MAGI2: variants seen among roughly 807,000 people sequenced by gnomAD.
The protein encoded by MAGI2 is membrane-associated guanylate kinase, WW and PDZ domain-containing protein 2.
In MAGI2, 35 loss-of-function variants were observed where a neutral mutation model predicts 133.3. The ratio of observed to expected loss-of-function variants is 0.26; its 90% CI spans 0.20 to 0.35. MAGI2 has a LOEUF of 0.35. Ranked by LOEUF, MAGI2 falls within the 10% of genes least tolerant of loss-of-function variation. MAGI2 has a pLI of 1.00. For synonymous variants in MAGI2, 729 were observed against 710.6 expected (o/e 1.03, Z -0.41); for missense variants, 1,636 against 1,863.4 (o/e 0.88, Z 2.25).
intron 20 of MAGI2, among the ~76,000 whole-genome samples, chr7:78,124,711 G>A (rs1584024499): frequency 6.6e-6 from 1 of 152,096 alleles, no homozygotes; most frequent in East Asian, 1.9e-4. Flanking sequence ...CACACAGAGA[G>A]AGTAAAGAGA....
At chr7:78,258,439 C>T (rs997395759) in intron 9 of MAGI2, among the ~76,000 whole-genome samples, 2 of 152,142 alleles carry the variant, frequency 1.3e-5, no homozygotes, top group Admixed American at 6.6e-5. Flanking sequence ...TACTAACATC[C>T]AACTTAATGA....
chr7:78,851,113 A>AT (rs933197565), intron 2 of MAGI2, among the ~76,000 whole-genome samples: 137 of 152,188 alleles, frequency 9.0e-4, no homozygotes, highest in African/African-American at 3.2e-3. Flanking sequence ...AAAATATATT[A>AT]TTTTTTCGTA....
intron 2 of MAGI2, among the ~76,000 whole-genome samples, chr7:78,767,905 A>G (rs577611993): frequency 6.6e-6 from 1 of 152,188 alleles, no homozygotes; most frequent in Non-Finnish European, 1.5e-5. Flanking sequence ...ACTCATCGGC[A>G]TCTTAAATGT....
In MAGI2 at chr7:78,203,449, C is replaced by A. The variant is rs1442228189; in HGVS notation, c.2048-2256G>T. Reference sequence around the variant, plus strand: ...GTGGAGAAGAGACAAGGAGAGGGGGCGTTTAATTTGACTGCCTTTCATCAT... The same window carrying A: ...GTGGAGAAGAGACAAGGAGAGGGGGAGTTTAATTTGACTGCCTTTCATCAT... On this transcript the variant is annotated intron_variant, in intron 10 of 21. Coordinates refer to ENST00000354212, the MANE Select transcript of MAGI2 (RefSeq NM_012301.4). 2.6e-5 allele frequency among the ~76,000 whole-genome samples: 4 copies of A among 152,262 alleles called. No homozygotes were observed. The East Asian group carries it at 7.7e-4, about 29-fold the overall frequency.
At chr7:78,869,332 T>A (rs143413851) in intron 2 of MAGI2, among the ~76,000 whole-genome samples, 58 of 152,348 alleles carry the variant, frequency 3.8e-4, no homozygotes, top group African/African-American at 1.3e-3. Flanking sequence ...ATTAATGTTA[T>A]CTTCTAGAAT....
At chr7:78,389,741 A>G (rs1253253474) in intron 6 of MAGI2, among the ~76,000 whole-genome samples, 1 of 152,146 alleles carries the variant, frequency 6.6e-6, no homozygotes, top group Non-Finnish European at 1.5e-5. Context: ...GGTTTGGGGT[A>G]GAGGAGAGAA....
intron 7 of MAGI2, chr7:78,350,211 G>A (rs1391674055): frequency 6.6e-6 from 1 of 152,180 alleles, no homozygotes; most frequent in Non-Finnish European, 1.5e-5. Context: ...TCCATTGCCT[G>A]ATCTCTTTGT....
chr7:78,883,799 CAT>C (rs1234052691), intron 2 of MAGI2, among the ~76,000 whole-genome samples: 2 of 152,104 alleles, frequency 1.3e-5, no homozygotes, highest in Non-Finnish European at 2.9e-5. Flanking sequence ...ACTGGCTAGA[CAT>C]AGGCAGAAGA....
intron 14 of MAGI2, among the ~76,000 whole-genome samples, chr7:78,174,605 G>A (rs1358697652): frequency 6.6e-6 from 1 of 152,210 alleles, no homozygotes; most frequent in Non-Finnish European, 1.5e-5. Context: ...TTTCTGAAAG[G>A]TTAACCCTTG....
chr7:78,631,238 A>G (rs1043219752), intron 2 of MAGI2, among the ~76,000 whole-genome samples: 2 of 152,110 alleles, frequency 1.3e-5, no homozygotes, highest in Admixed American at 1.3e-4. Context: ...CTGGTTTGAA[A>G]CTTTCACCTC....
At chr7:79,121,114 A>T (rs1819853286) in intron 1 of MAGI2, among the ~76,000 whole-genome samples, 1 of 152,180 alleles carries the variant, frequency 6.6e-6, no homozygotes, top group African/African-American at 2.4e-5. Context: ...CAAAAAACAC[A>T]GGCTAATAAG....
At chr7:78,206,358 C>G (rs1172181472) in intron 10 of MAGI2, among the ~76,000 whole-genome samples, 3 of 143,310 alleles carry the variant, frequency 2.1e-5, no homozygotes, top group Admixed American at 7.4e-5. Flanking sequence ...GTGGCGTGAT[C>G]TTGGCTCACT....
intron 1 of MAGI2, among the ~76,000 whole-genome samples, chr7:79,222,445 A>C (rs1023563616): frequency 2.0e-5 from 3 of 152,112 alleles, no homozygotes; most frequent in African/African-American, 7.3e-5. Context: ...ACCAAGGAAA[A>C]CAGACTATAT....
chr7:78,795,665 C>T (rs976011489), intron 2 of MAGI2, among the ~76,000 whole-genome samples: 70 of 151,942 alleles, frequency 4.6e-4, no homozygotes, highest in Admixed American at 2.7e-3. Context: ...AAAATTCGTA[C>T]GGAATCACAA....
At chr7:78,319,663 C>A (rs1050770531) in intron 9 of MAGI2, among the ~76,000 whole-genome samples, 1 of 152,070 alleles carries the variant, frequency 6.6e-6, no homozygotes, top group Non-Finnish European at 1.5e-5. Flanking sequence ...TAAATGCCCA[C>A]AAGAGAAAGC....
chr7:78,423,540 G>A (rs2151413018), intron 6 of MAGI2, among the ~76,000 whole-genome samples: 1 of 152,300 alleles, frequency 6.6e-6, no homozygotes, highest in Non-Finnish European at 1.5e-5. Context: ...TTGGATAACA[G>A]GCAGAGGTTG....
chr7:79,429,458 A>G (rs1337452432), intron 1 of MAGI2, among the ~76,000 whole-genome samples: 1 of 151,986 alleles, frequency 6.6e-6, no homozygotes, highest in Non-Finnish European at 1.5e-5. Context: ...GTGTGCCACC[A>G]AGCCCAGCTA....
intron 1 of MAGI2, among the ~76,000 whole-genome samples, chr7:79,170,607 T>A (rs1191864082): frequency 1.3e-5 from 2 of 152,144 alleles, no homozygotes; most frequent in Non-Finnish European, 2.9e-5. Flanking sequence ...AGCTTCTGGA[T>A]AAATGAGTGG....
intron 9 of MAGI2, among the ~76,000 whole-genome samples, chr7:78,338,956 G>A (rs190749823): frequency 1.3e-5 from 2 of 151,600 alleles, no homozygotes; most frequent in Admixed American, 1.3e-4. Context: ...ACCAGCCTGG[G>A]CAACATAGTG....
Sources: gnomAD v4.1 joint callset for allele counts (sites outside exome capture counted in the v4.1 genomes callset) on GRCh38, gnomAD v4.1.1 for gene constraint, MANE v1.5 for transcripts, NCBI Gene and HGNC (gene_info 2026-07-23, HGNC 2026-07-21) for gene names.